SCNN1G: variants seen among roughly 807,000 people sequenced by gnomAD.
The protein encoded by SCNN1G is sodium channel epithelial 1 subunit gamma.
A neutral mutation model predicts 64.6 loss-of-function variants in SCNN1G; 27 were observed. The observed-to-expected ratio is 0.42, with a 90% CI of 0.31 to 0.58. The LOEUF (loss-of-function observed/expected upper bound fraction) is 0.58. Among genes scored for constraint, SCNN1G ranks in the 20% least tolerant of loss-of-function variants. The pLI, the probability that SCNN1G is intolerant of heterozygous loss-of-function variation, is 0.18. For synonymous variants in SCNN1G, 330 were observed against 314.2 expected, an observed-to-expected ratio of 1.05 and a Z score of -0.53; for missense variants, 743 against 823.4, an observed-to-expected ratio of 0.90 and a Z score of 1.19.
At chr16:23,187,112 T>A (rs74484779) in intron 2 of SCNN1G, among the ~76,000 whole-genome samples, 2 of 148,152 alleles carry the variant, frequency 1.3e-5, no homozygotes, top group African/African-American at 2.5e-5. Flanking sequence ...TTTTCTTTTT[T>A]TTTTTTTTTT....
At chr16:23,204,334 T>TATAA (rs1567267153) in intron 6 of SCNN1G, among the ~76,000 whole-genome samples, 2 of 15,176 alleles carry the variant, frequency 1.3e-4, no homozygotes, top group African/African-American at 2.8e-4. Context: ...TATATATATA[T>TATAA]AGAGAGAGAG....
At chr16:23,203,109 G>A (rs1325991866) in intron 6 of SCNN1G, among the ~76,000 whole-genome samples, 1 of 152,156 alleles carries the variant, frequency 6.6e-6, no homozygotes, top group Non-Finnish European at 1.5e-5. Context: ...AGAAAGAGTT[G>A]GCATCAGATA....
rs1959762300 is a variant in SCNN1G at position 23,194,364 on chromosome 16, A to C, written c.913+90A>C. On this transcript the variant is annotated intron_variant, in intron 5 of 12. Transcript: ENST00000300061. ...AGTGGGGATGCGGGAGCCCTCTGGA[A>C]AAGCGGGATCTCTCCCACTTGGCCA... The C allele has an allele frequency of 5.5e-6, 5 of 912,454 alleles. No homozygotes were observed. In the South Asian group the frequency reaches 6.6e-5, roughly 12 times the overall value. 56.5% of individuals were successfully genotyped at this position (912,454 alleles called of 1,614,324 possible).
chr16:23,197,136 G>A (rs966646496), intron 5 of SCNN1G, 128 bp from the exon 6 acceptor site: 21 of 768,754 alleles, frequency 2.7e-5, no homozygotes, highest in Middle Eastern at 3.5e-4. Context: ...TCTAGCCCTC[G>A]TCCACCTGTC....
chr16:23,212,520 C>T (rs1267473571), intron 8 of SCNN1G, among the ~76,000 whole-genome samples, 158 bp from the exon 9 acceptor site: 1 of 152,184 alleles, frequency 6.6e-6, no homozygotes, highest in Non-Finnish European at 1.5e-5. Flanking sequence ...TTTCTGTTTC[C>T]CAACATCACA....
intron 6 of SCNN1G, among the ~76,000 whole-genome samples, chr16:23,207,100 G>A (rs1596774232): frequency 6.6e-6 from 1 of 152,188 alleles, no homozygotes. Context: ...GATAAGCATC[G>A]TTGCAGAATG....
rs368523916 is a variant in SCNN1G at position 23,186,339 on chromosome 16, C to T, written c.68C>T (p.Pro23Leu). Residue 23 changes from proline to leucine, a missense_variant, in exon 2 of 13, where the codon CCG becomes CTG. Transcript: ENST00000300061. ...CTGCCCGTGACGGGCCCTCAGGCGC[C>T]GACCATTAAAGAGCTGATGCGGTGG... Reference protein sequence around the residue: ...KNLPVTGPQAPTIKELMRWYC... With the variant: ...KNLPVTGPQALTIKELMRWYC... The T allele has an allele frequency of 6.2e-6, 10 of 1,614,124 alleles. 1 individual carries two copies. In the South Asian group the frequency reaches 6.6e-5, roughly 11 times the overall value.
In SCNN1G at chr16:23,215,405, C is replaced by A. The variant is rs142967227; in HGVS notation, c.1886C>A (p.Thr629Asn). 1.9e-6 allele frequency: 3 copies of A among 1,613,910 alleles called. No individual in the cohort carries two copies. The highest frequency in any genetic ancestry group is 2.5e-6 in the Non-Finnish European group (3 of 1,180,036). ...GGCACACCGCCCCCCAAATACAATACCTTGCGCTTGGAGAGGGCCTTTTCC... is the reference window on the plus strand; with the variant it reads ...GGCACACCGCCCCCCAAATACAATAACTTGCGCTTGGAGAGGGCCTTTTCC... ...VPGTPPPKYN[T>N]LRLERAFSNQ... The change falls in exon 13 of 13, where the codon ACC (threonine) becomes AAC (asparagine). Residue 629 changes from threonine to asparagine, a missense_variant. Coordinates refer to ENST00000300061, the MANE Select transcript of SCNN1G (RefSeq NM_001039.4).
At chr16:23,210,177 G>C (rs995235223) in intron 7 of SCNN1G, among the ~76,000 whole-genome samples, 1 of 152,288 alleles carries the variant, frequency 6.6e-6, no homozygotes. Context: ...CATGGCTTCC[G>C]GGCCTGCTGG....
intron 1 of SCNN1G, among the ~76,000 whole-genome samples, chr16:23,184,100 T>C (rs1959566027): frequency 6.6e-6 from 1 of 152,256 alleles, no homozygotes. Flanking sequence ...AATCTAATGG[T>C]AGCTACAGTC....
chr16:23,212,844 G>C lies in SCNN1G; in HGVS notation c.1381G>C (p.Glu461Gln). Residue 461 changes from glutamate (E) to glutamine (Q), a missense_variant, in exon 10 of 13, where the codon GAG (glutamate) becomes CAG (glutamine). Physicochemically the swap from Glu to Gln is conservative, Grantham distance 29 (BLOSUM62 2). Transcript: ENST00000300061. ...TGTCCCCTCCTCCCTTAGCTTTAAA[G>C]AGTGGACACTAACCACAAGCCTGGC... Reference protein sequence around the residue: ...SVCKEACSFKEWTLTTSLAQW... With the variant: ...SVCKEACSFKQWTLTTSLAQW... 6.2e-7 allele frequency: 1 copy of C among 1,614,216 alleles called. No homozygotes were observed. Among genetic ancestry groups the C allele is most frequent in the Non-Finnish European group, 8.5e-7 (1 of 1,180,034 alleles).
At chr16:23,209,158 C>T (rs921194195) in intron 6 of SCNN1G, among the ~76,000 whole-genome samples, 1 of 152,098 alleles carries the variant, frequency 6.6e-6, no homozygotes, top group African/African-American at 2.4e-5. Flanking sequence ...GATAGAGTCT[C>T]ACTCTGTTGC....
At chr16:23,215,019 T>A (rs919534921) in intron 12 of SCNN1G, 70 bp from the exon 13 acceptor site, 5 of 1,584,284 alleles carry the variant, frequency 3.2e-6, no homozygotes, top group Non-Finnish European at 4.3e-6. Context: ...CCCTTGGGAA[T>A]CAGGGTTCCT....
intron 7 of SCNN1G, 71 bp from the exon 8 acceptor site, chr16:23,211,963 G>T: frequency 9.0e-7 from 1 of 1,107,726 alleles, no homozygotes; most frequent in South Asian, 1.2e-5. Context: ...CCTGGGCTGA[G>T]GGATGTGCAG....
intron 2 of SCNN1G, among the ~76,000 whole-genome samples, chr16:23,187,242 G>A (rs1436898893): frequency 6.6e-6 from 1 of 151,762 alleles, no homozygotes; most frequent in Non-Finnish European, 1.5e-5. Flanking sequence ...CTGAGTAGCT[G>A]GGACTATAGG....
intron 6 of SCNN1G, among the ~76,000 whole-genome samples, chr16:23,206,896 G>C (rs979947086): frequency 6.6e-6 from 1 of 152,084 alleles, no homozygotes. Context: ...TGTGTCCCTA[G>C]GGGTCAGGAT....
chr16:23,211,669 G>T (rs1338213892), intron 7 of SCNN1G, among the ~76,000 whole-genome samples: 1 of 152,032 alleles, frequency 6.6e-6, no homozygotes, highest in Non-Finnish European at 1.5e-5. Flanking sequence ...AAAATTAGCT[G>T]GGCATGGTGG....
At chr16:23,196,597 G>A (rs568927080) in intron 5 of SCNN1G, 2 of 154,812 alleles carry the variant, frequency 1.3e-5, no homozygotes, top group South Asian at 4.1e-4. Context: ...CATTCAATTT[G>A]TAAACAAGGG....
chr16:23,193,095 A>G (rs887435915), intron 4 of SCNN1G, among the ~76,000 whole-genome samples: 1 of 145,438 alleles, frequency 6.9e-6, no homozygotes, highest in African/African-American at 2.5e-5. Context: ...AAAAAAAAAA[A>G]AACCCAACCC....
Sources: allele counts gnomAD v4.1 joint callset (sites outside exome capture counted in the v4.1 genomes callset), GRCh38; gene constraint gnomAD v4.1.1; transcripts MANE v1.5; gene names NCBI Gene and HGNC (gene_info 2026-07-23, HGNC 2026-07-21).